The following OBI1 variants were observed in gnomAD, a reference collection of about 807,000 sequenced individuals.
OBI1 encodes the protein ring finger protein 219.
Under a neutral mutation model 62.4 loss-of-function variants are expected in OBI1, and 59 were observed. The observed-to-expected ratio is 0.95, with a 90% CI of 0.77 to 1.17. The LOEUF is 1.17. OBI1 is among the 50% of genes most tolerant of loss of function. The pLI, the probability that OBI1 is intolerant of heterozygous loss-of-function variation, is 0.00. For synonymous variants in OBI1, 302 were observed against 292.8 expected, an observed-to-expected ratio of 1.03 and a Z score of -0.32; for missense variants, 875 against 830.9, an observed-to-expected ratio of 1.05 and a Z score of -0.65.
At chr13:78,644,821 T>C in intron 2 of OBI1, 41 bp downstream of exon 2, 2 of 1,592,226 alleles carry the variant, frequency 1.3e-6, no homozygotes, top group Non-Finnish European at 1.7e-6. Context: ...TTGGAGATTG[T>C]TTCAAACCTA....
At chr13:78,633,792 G>A (rs905700935) in intron 5 of OBI1, among the ~76,000 whole-genome samples, 1 of 152,138 alleles carries the variant, frequency 6.6e-6, no homozygotes, top group Non-Finnish European at 1.5e-5. Flanking sequence ...CCATGGCCGG[G>A]CGTGGTGGCT....
chr13:78,638,363 TTATC>T (rs1434641798), intron 4 of OBI1, among the ~76,000 whole-genome samples: 21 of 152,336 alleles, frequency 1.4e-4, no homozygotes, highest in Middle Eastern at 6.8e-3. Context: ...CACCAAGTCT[TTATC>T]TATCTACAAT....
At chr13:78,623,448 ATATAT>A (rs1875573833) in intron 5 of OBI1, among the ~76,000 whole-genome samples, 1 of 152,248 alleles carries the variant, frequency 6.6e-6, no homozygotes, top group African/African-American at 2.4e-5. Context: ...TATGCTTGAT[ATATAT>A]TATCTCATTT....
rs143206004 is a variant in OBI1 at position 78,649,513 on chromosome 13, C to T, written c.73-4516G>A. 3.8e-3 allele frequency among the ~76,000 whole-genome samples: 585 copies of T among 152,166 alleles called. 3 individuals carry two copies. Among genetic ancestry groups the T allele is most frequent in the African/African-American group, 0.013 (554 of 41,516 alleles). ...TTTCAGCGAATGTTGGGGATGGAAA[C>T]CTGACTGGAGGTTGAGAGACAATGA... On this transcript the variant is annotated intron_variant, in intron 1 of 5. Transcript: ENST00000282003.
intron 4 of OBI1, among the ~76,000 whole-genome samples, chr13:78,638,370 T>C (rs992716783): frequency 6.6e-6 from 1 of 152,226 alleles, no homozygotes; most frequent in African/African-American, 2.4e-5. Context: ...TCTTTATCTA[T>C]CTACAATCTT....
At chr13:78,633,147 CTG>C (rs1875906135) in intron 5 of OBI1, among the ~76,000 whole-genome samples, 1 of 152,188 alleles carries the variant, frequency 6.6e-6, no homozygotes, top group African/African-American at 2.4e-5. Context: ...ACAAGCATTA[CTG>C]TGACTGGCAA....
intron 5 of OBI1, among the ~76,000 whole-genome samples, chr13:78,623,315 C>T (rs529562668): frequency 5.4e-5 from 8 of 148,956 alleles, no homozygotes; most frequent in South Asian, 2.1e-4. Context: ...TGGAATTTAC[C>T]GAAAGTAAGT....
chr13:78,639,435 G>A (rs925946779), intron 3 of OBI1, among the ~76,000 whole-genome samples: 4 of 152,124 alleles, frequency 2.6e-5, no homozygotes, highest in Admixed American at 6.5e-5. Context: ...TCAGTGTGGC[G>A]ATTCCTCAGG....
At chr13:78,652,486 TCATGAAA>T (rs1876574149) in intron 1 of OBI1, among the ~76,000 whole-genome samples, 1 of 151,800 alleles carries the variant, frequency 6.6e-6, no homozygotes, top group South Asian at 2.1e-4. Flanking sequence ...AAAACAGTAC[TCATGAAA>T]TAAAAATGCA....
Position 78,616,976 on chromosome 13 carries a change from T to A in OBI1, c.785A>T (p.Glu262Val). ...SQVAQLKNSS[E>V]EKEAMNSICQ... ...AATGGAATTCATAGCTTCTTTCTCT[T>A]CACTTGAATTTTTTAGCTGTGCAAC... Residue 262 changes from glutamate to valine, a missense_variant, in exon 6 of 6, where the codon GAA (glutamate) becomes GTA (valine). Transcript: ENST00000282003. The A allele has an allele frequency of 6.2e-7, 1 of 1,614,196 alleles. No individual in the cohort carries two copies. Among genetic ancestry groups the A allele is most frequent in the African/African-American group, 1.3e-5 (1 of 75,066 alleles).
intron 5 of OBI1, among the ~76,000 whole-genome samples, chr13:78,633,850 G>C (rs989309675): frequency 6.6e-6 from 1 of 151,974 alleles, no homozygotes; most frequent in Non-Finnish European, 1.5e-5. Context: ...GGTGGATCAC[G>C]AGGTCAGGAG....
intron 2 of OBI1, among the ~76,000 whole-genome samples, chr13:78,644,167 C>T (rs1876311599): frequency 6.6e-6 from 1 of 152,206 alleles, no homozygotes; most frequent in Non-Finnish European, 1.5e-5. Flanking sequence ...ATCCTGTCTA[C>T]TCCTATAGTC....
intron 4 of OBI1, among the ~76,000 whole-genome samples, chr13:78,636,287 C>T (rs1301952641): frequency 6.6e-6 from 1 of 152,136 alleles, no homozygotes; most frequent in Admixed American, 6.5e-5. Context: ...ATTCCCTACT[C>T]ATTGCTTTTA....
At position 78,615,467 on chromosome 13, in the gene OBI1, A is replaced by G. The variant is rs1875232397; in HGVS notation, c.*113T>C. ...ATCCACCATCCTGACTTGATACTTG[A>G]CTAAAGATTATCAATTCCAATTTGT... On this transcript the variant is annotated 3_prime_UTR_variant, in exon 6 of 6. Transcript: ENST00000282003. 1.4e-6 allele frequency: 1 copy of G among 728,084 alleles called. No individual in the cohort carries two copies. The highest frequency in any genetic ancestry group is 1.8e-5 in the African/African-American group (1 of 56,760). 45.1% of individuals were successfully genotyped at this position (728,084 alleles called of 1,614,324 possible).
chr13:78,616,927 A>T lies in OBI1; in HGVS notation c.834T>A (p.Asp278Glu). The change falls in exon 6 of 6, where the codon GAT becomes GAA. Residue 278 changes from aspartate (D) to glutamate (E), a missense_variant. Transcript: ENST00000282003. ...NSICQTALSADGKGSKGSEED... is the reference protein window; with the variant it reads ...NSICQTALSAEGKGSKGSEED... ...CCTCACTGCCTTTGCTCCCTTTGCC[A>T]TCTGCAGAAAGTGCTGTCTGGCAAA... The T allele has an allele frequency of 6.2e-7, 1 of 1,614,148 alleles. No individual in the cohort carries two copies. The highest frequency in any genetic ancestry group is 8.5e-7 in the Non-Finnish European group (1 of 1,180,020).
At chr13:78,637,928 G>C (rs1479823233) in intron 4 of OBI1, among the ~76,000 whole-genome samples, 1 of 152,110 alleles carries the variant, frequency 6.6e-6, no homozygotes, top group East Asian at 1.9e-4. Context: ...CCAATATACA[G>C]GGGAACTCCT....
chr13:78,659,070 C>G lies in OBI1; in HGVS notation c.51G>C (p.Thr17=), dbSNP rs750665190. The G allele has an allele frequency of 8.1e-6, 13 of 1,612,778 alleles. No individual in the cohort carries two copies. Among genetic ancestry groups the G allele is most frequent in the African/African-American group, 4.0e-5 (3 of 74,780 alleles). Residue 17 remains threonine (T), a synonymous_variant, in exon 1 of 6, where the codon ACG becomes ACC. Transcript: ENST00000282003. ...NVTLSLTLPI[T]CHICLGKVRQ... is the part of the protein sequence containing the mutation. ...TTACCTTCCCCAAGCAAATGTGGCA[C>G]GTGATGGGCAGAGTGAGCGACAATG... is the stretch of plus-strand genomic sequence containing the variant.
intron 4 of OBI1, among the ~76,000 whole-genome samples, chr13:78,638,216 C>T (rs1430163995): frequency 6.6e-6 from 1 of 152,020 alleles, no homozygotes; most frequent in Non-Finnish European, 1.5e-5. Flanking sequence ...GCCGAAAAAT[C>T]CTAGAGGTTT....
At chr13:78,654,889 A>C (rs1876652832) in intron 1 of OBI1, among the ~76,000 whole-genome samples, 1 of 152,144 alleles carries the variant, frequency 6.6e-6, no homozygotes, top group African/African-American at 2.4e-5. Flanking sequence ...TCATTCCAGC[A>C]CTATTCCAGT....
Sources: allele counts gnomAD v4.1 joint callset (sites outside exome capture counted in the v4.1 genomes callset), GRCh38; gene constraint gnomAD v4.1.1; transcripts MANE v1.5; gene names NCBI Gene and HGNC (gene_info 2026-07-23, HGNC 2026-07-21).